Variants in ATP10A observed in about 807,000 individuals in gnomAD.
The protein encoded by ATP10A is phospholipid-transporting ATPase VA.
ATP10A carries 111 observed loss-of-function variants against 147.8 expected under a neutral mutation model. The observed-to-expected ratio is 0.75, with a 90% CI of 0.64 to 0.88. The LOEUF is 0.88. Ranked by LOEUF, ATP10A falls within the 40% of genes least tolerant of loss-of-function variation. The pLI is 0.00. For synonymous variants in ATP10A, 875 were observed against 841.6 expected, an observed-to-expected ratio of 1.04 and a Z score of -0.69; for missense variants, 1,927 against 1,959.0, an observed-to-expected ratio of 0.98 and a Z score of 0.31.
Position 25,721,708 on chromosome 15 carries a change from C to T in ATP10A, c.1312G>A (p.Val438Ile), listed in dbSNP as rs779139776. 1.2e-6 allele frequency: 2 copies of T among 1,614,106 alleles called. No homozygotes were observed. Among genetic ancestry groups the T allele is most frequent in the Non-Finnish European group, 1.7e-6 (2 of 1,180,026 alleles). ...CCAGACACAGTGCATCTTCGGAAAA[C>T]CATCTTATTCTCTGTCAAAGTGCCA... is the stretch of plus-strand genomic sequence containing the variant. ...KTGTLTENKM[V>I]FRRCTVSGVE... The change falls in exon 7 of 21, where the codon GTT becomes ATT. Residue 438 changes from valine (V) to isoleucine (I), a missense_variant. Physicochemically the swap from Val to Ile is conservative, Grantham distance 29. Coordinates refer to ENST00000555815, the MANE Select transcript of ATP10A (RefSeq NM_024490.4).
chr15:25,709,837 A>G (rs528940722), intron 10 of ATP10A: 1 of 152,520 alleles, frequency 6.6e-6, no homozygotes, highest in East Asian at 1.9e-4. Context: ...ACCACTGGGC[A>G]GTCACTGCGG....
At chr15:25,696,094 G>T (rs1157852148) in intron 13 of ATP10A, among the ~76,000 whole-genome samples, 1 of 152,188 alleles carries the variant, frequency 6.6e-6, no homozygotes, top group African/African-American at 2.4e-5. Context: ...ACGCTCCGGG[G>T]AGCCTGGGCA....
chr15:25,818,687 T>A (rs1252933360), intron 1 of ATP10A, among the ~76,000 whole-genome samples: 1 of 152,160 alleles, frequency 6.6e-6, no homozygotes, highest in Non-Finnish European at 1.5e-5. Flanking sequence ...GGGCATCACA[T>A]TATCTGACTT....
At chr15:25,684,798 C>T (rs1899623612) in intron 16 of ATP10A, among the ~76,000 whole-genome samples, 1 of 152,146 alleles carries the variant, frequency 6.6e-6, no homozygotes, top group Admixed American at 6.5e-5. Flanking sequence ...GTCACTTCAC[C>T]TCCCTGAGCT....
intron 7 of ATP10A, among the ~76,000 whole-genome samples, chr15:25,720,551 A>T (rs534308358): frequency 3.6e-4 from 54 of 152,104 alleles, no homozygotes; most frequent in African/African-American, 1.3e-3. Context: ...AGGTTTAGCA[A>T]CTATGGGAGG....
At chr15:25,804,227 T>C (rs1410045757) in intron 1 of ATP10A, among the ~76,000 whole-genome samples, 2 of 151,208 alleles carry the variant, frequency 1.3e-5, no homozygotes, top group Non-Finnish European at 2.9e-5. Context: ...TGTGTGTGTC[T>C]ATATGTGTGA....
chr15:25,803,706 C>T (rs1224838027), intron 1 of ATP10A, among the ~76,000 whole-genome samples: 3 of 83,120 alleles, frequency 3.6e-5, no homozygotes, highest in South Asian at 3.0e-4. Flanking sequence ...GTGGGCACTC[C>T]GGCAGGGCCT....
intron 1 of ATP10A, among the ~76,000 whole-genome samples, chr15:25,833,971 C>CA (rs1237538063): frequency 7.0e-6 from 1 of 142,602 alleles, no homozygotes; most frequent in Admixed American, 7.0e-5. Flanking sequence ...GACTGTGTCT[C>CA]AAAAAAAACG....
rs28594870 is a variant in ATP10A, at chr15:25,829,463, A to T, written c.449+33185T>A. ...TGATGTTATTTGTTCTTTCAAAAAA[A>T]TTTTTTTTTCTTGAGCAGGAACCAA... is the stretch of plus-strand genomic sequence containing the variant. On this transcript the variant is annotated intron_variant, in intron 1 of 20. Transcript: ENST00000555815. Among the ~76,000 whole-genome samples the T allele has an allele frequency of 2.4e-3, 371 of 152,078 alleles. 2 individuals are homozygous for T. The highest frequency in any genetic ancestry group is 8.2e-3 in the African/African-American group (339 of 41,496).
intron 2 of ATP10A, among the ~76,000 whole-genome samples, chr15:25,763,351 C>A (rs1352921107): frequency 6.6e-6 from 1 of 152,142 alleles, no homozygotes; most frequent in Non-Finnish European, 1.5e-5. Context: ...ATATCAGCAA[C>A]CAGTGAGTCC....
chr15:25,765,020 C>G (rs1375976864), intron 2 of ATP10A, among the ~76,000 whole-genome samples: 1 of 152,198 alleles, frequency 6.6e-6, no homozygotes. Flanking sequence ...GGATGCAGGA[C>G]ACACATTAAA....
At chr15:25,817,071 T>A (rs4906781) in intron 1 of ATP10A, among the ~76,000 whole-genome samples, 88,621 of 151,920 alleles carry the variant, frequency 0.58, 29,357 homozygotes, top group East Asian at 0.78. Context: ...TCTCTGTTTT[T>A]TGGTTTTGTT....
chr15:25,788,384 G>T (rs1324162606), intron 1 of ATP10A, among the ~76,000 whole-genome samples: 5 of 152,176 alleles, frequency 3.3e-5, no homozygotes, highest in Non-Finnish European at 7.3e-5. Context: ...GCAGAACGGG[G>T]GTCTGTAGGA....
At chr15:25,837,962 G>C (rs942502028) in intron 1 of ATP10A, among the ~76,000 whole-genome samples, 3 of 152,248 alleles carry the variant, frequency 2.0e-5, no homozygotes, top group Non-Finnish European at 4.4e-5. Context: ...GGATGGAAGA[G>C]GGACAGCTGA....
At chr15:25,728,315 T>C (rs1042966819) in intron 3 of ATP10A, among the ~76,000 whole-genome samples, 1 of 152,132 alleles carries the variant, frequency 6.6e-6, no homozygotes, top group Non-Finnish European at 1.5e-5. Context: ...GCTGGGAGGA[T>C]ATATTTTCCA....
At chr15:25,684,091 G>C (rs1024703868) in intron 16 of ATP10A, 4 of 152,624 alleles carry the variant, frequency 2.6e-5, no homozygotes, top group Admixed American at 2.0e-4. Context: ...GACCTCTGCT[G>C]GGGGGAGAGG....
chr15:25,679,724 CT>C lies in ATP10A; in HGVS notation c.4116del (p.Val1373TrpfsTer3). On this transcript the variant is annotated frameshift_variant, in exon 21 of 21. Transcript: ENST00000555815. LOFTEE classifies it high-confidence loss of function. Reference sequence around the variant, plus strand: ...TCCCTCACTGGCATGCTCATGTCCACTGTGCTGGGCTCCCCGCTGGCCTCCA... The same window carrying C: ...TCCCTCACTGGCATGCTCATGTCCACGTGCTGGGCTCCCCGCTGGCCTCCA... Reference protein sequence around the residue: ...CSLEASGEPSTVDMSMPVREH... With the variant: ...CSLEASGEPSXVDMSMPVREH... 2 of 1,613,376 alleles carry C rather than the reference CT, an allele frequency of 1.2e-6. No homozygotes were observed. The highest frequency in any genetic ancestry group is 1.7e-6 in the Non-Finnish European group (2 of 1,180,006).
At chr15:25,678,093 CT>C (rs1172471107), downstream of ATP10A, 1 of 151,604 alleles carries the variant, frequency 6.6e-6, no homozygotes, top group African/African-American at 2.4e-5. Context: ...TCCAGGCACC[CT>C]CTCTTGGGAC....
In ATP10A at chr15:25,679,391, C is replaced by G. The variant is rs752546336; in HGVS notation, c.4450G>C (p.Gly1484Arg). Residue 1484 changes from glycine (G) to arginine (R), a missense_variant, in exon 21 of 21, where the codon GGG becomes CGG. Physicochemically the swap from Gly to Arg is moderately radical, Grantham distance 125. Coordinates refer to ENST00000555815, the MANE Select transcript of ATP10A (RefSeq NM_024490.4). ...QPHSGRSGLQ[G>R]PDHRLLIGAS... ...CCTATAAGTAGTCTGTGGTCTGGCC[C>G]TTGAAGTCCTGATCGGCCTGAGTGG... is the stretch of plus-strand genomic sequence containing the variant. 1.2e-6 allele frequency: 2 copies of G among 1,609,070 alleles called. No individual in the cohort carries two copies. The highest frequency in any genetic ancestry group is 1.3e-5 in the African/African-American group (1 of 74,808).
Sources: gnomAD v4.1 joint callset for allele counts (sites outside exome capture counted in the v4.1 genomes callset) on GRCh38, gnomAD v4.1.1 for gene constraint, MANE v1.5 for transcripts, NCBI Gene and HGNC (gene_info 2026-07-23, HGNC 2026-07-21) for gene names.